The following RPA2 variants were observed in gnomAD, a reference collection of about 807,000 sequenced individuals.
RPA2 encodes the protein replication protein A 32 kDa subunit.
A neutral mutation model predicts 33.4 loss-of-function variants in RPA2; 22 were observed. That is an observed-to-expected ratio of 0.66 (90% CI 0.47 to 0.94). The LOEUF (loss-of-function observed/expected upper bound fraction) is 0.94. Ranked by LOEUF, RPA2 falls within the 40% of genes least tolerant of loss-of-function variation. RPA2 has a pLI of 0.00. For synonymous variants in RPA2, 109 were observed against 114.9 expected, an observed-to-expected ratio of 0.95 and a Z score of 0.33; for missense variants, 279 against 329.9, an observed-to-expected ratio of 0.85 and a Z score of 1.19.
intron 2 of RPA2, 97 bp from the exon 3 acceptor site, chr1:27,907,379 A>G: frequency 1.0e-6 from 1 of 960,870 alleles, no homozygotes; most frequent in Non-Finnish European, 1.6e-6. Flanking sequence ...ATATTAGAAC[A>G]TTGAATTTCA....
At chr1:27,901,982 T>A (rs1216139936) in intron 4 of RPA2, among the ~76,000 whole-genome samples, 1 of 150,184 alleles carries the variant, frequency 6.7e-6, no homozygotes, top group Non-Finnish European at 1.5e-5. Context: ...AAGAGAAAAT[T>A]TACAAAAACC....
chr1:27,893,969 G>A (rs748955359), intron 8 of RPA2, 43 bp downstream of exon 8: 23 of 1,524,220 alleles, frequency 1.5e-5, no homozygotes, highest in Non-Finnish European at 2.0e-5. Context: ...AGGTGAAATA[G>A]GTACAATGCC....
chr1:27,908,514 G>T (rs972065047), intron 2 of RPA2, among the ~76,000 whole-genome samples: 4 of 151,060 alleles, frequency 2.6e-5, no homozygotes, highest in African/African-American at 4.9e-5. Flanking sequence ...CTTTTTTTTT[G>T]AGATGGAGTC....
At chr1:27,899,538 A>T (rs1426632986) in intron 4 of RPA2, among the ~76,000 whole-genome samples, 1 of 151,168 alleles carries the variant, frequency 6.6e-6, no homozygotes, top group Admixed American at 6.6e-5. Flanking sequence ...AAAACCACAC[A>T]AACAAAACAA....
In RPA2 at chr1:27,914,421, C is replaced by A. The variant is rs780144924; in HGVS notation, c.10+13G>T. 3.1e-6 allele frequency: 5 copies of A among 1,608,376 alleles called. No homozygotes were observed. The African/African-American group carries it at 4.0e-5, about 13-fold the overall frequency. Reference sequence around the variant, plus strand: ...GATTCTCTTCCTCCTCCACCCCGCACCCCCATCATTACTGTTCCACATCTT... The same window carrying A: ...GATTCTCTTCCTCCTCCACCCCGCAACCCCATCATTACTGTTCCACATCTT... On this transcript the variant is annotated intron_variant, in intron 1 of 8. Coordinates refer to ENST00000373912, the MANE Select transcript of RPA2 (RefSeq NM_002946.5).
intron 4 of RPA2, among the ~76,000 whole-genome samples, chr1:27,900,673 C>T (rs970913616): frequency 6.6e-6 from 1 of 151,700 alleles, no homozygotes; most frequent in African/African-American, 2.4e-5. Flanking sequence ...GGAGTTGCTT[C>T]CTTTTTTTTG....
At position 27,892,310 on chromosome 1, in the gene RPA2, TG is replaced by T; in HGVS notation, c.729-64del. 2 of 1,321,968 alleles carry T rather than the reference TG, an allele frequency of 1.5e-6. 1 individual carries two copies. Among genetic ancestry groups the T allele is most frequent in the South Asian group, 2.4e-5 (2 of 83,604 alleles). 81.9% of individuals were successfully genotyped at this position (1,321,968 alleles called of 1,614,324 possible). On this transcript the variant is annotated intron_variant, in intron 8 of 8. Coordinates refer to ENST00000373912, the MANE Select transcript of RPA2 (RefSeq NM_002946.5). ...GCCAATTCAGAAGGAAACTGCCTTT[TG>T]GATATGGCCAAATATGCAAACTTCG...
At chr1:27,899,821 C>T (rs2089944439) in intron 4 of RPA2, among the ~76,000 whole-genome samples, 1 of 152,084 alleles carries the variant, frequency 6.6e-6, no homozygotes, top group Non-Finnish European at 1.5e-5. Context: ...GCTGGGACTA[C>T]AGGCGCCCGC....
chr1:27,902,021 AAAAAAATAC>A (rs1007291190), intron 4 of RPA2, among the ~76,000 whole-genome samples: 1 of 152,128 alleles, frequency 6.6e-6, no homozygotes, highest in Non-Finnish European at 1.5e-5. Flanking sequence ...CATAGTAAAA[AAAAAAATAC>A]ATATATATGG....
intron 6 of RPA2, among the ~76,000 whole-genome samples, chr1:27,895,825 T>A (rs532130486): frequency 4.1e-4 from 63 of 152,300 alleles, no homozygotes; most frequent in Non-Finnish European, 7.1e-4. Context: ...AAGCCCCATA[T>A]AATCTGGGCC....
rs367965034 is a variant in RPA2, at chr1:27,907,224, A to C, written c.176T>G (p.Leu59Trp). The C allele has an allele frequency of 1.4e-5, 23 of 1,614,010 alleles. No individual in the cohort carries two copies. Among genetic ancestry groups the C allele is most frequent in the Admixed American group, 1.3e-4 (8 of 59,960 alleles). The change falls in exon 3 of 9, where the codon TTG (leucine) becomes TGG (tryptophan). Residue 59 changes from leucine to tryptophan, a missense_variant. Leu to Trp is a moderately conservative substitution (Grantham distance 61, BLOSUM62 -2). Around this residue, in one of 2 missense-constraint regions of RPA2, gnomAD observed 274 missense variants for 310.3 expected, o/e 0.88. Transcript: ENST00000373912. ...CTISQLLSATLVDEVFRIGNV... is the reference protein window; with the variant it reads ...CTISQLLSATWVDEVFRIGNV... The stretch of plus-strand genomic sequence containing the variant: ...CCCAATTCTGAACACTTCATCAACC[A>C]AAGTGGCAGAAAGCAGCTGAGATAT...
chr1:27,907,144 ATGAG>A (rs768500130), intron 3 of RPA2, 33 bp downstream of exon 3: 16 of 1,592,740 alleles, frequency 1.0e-5, no homozygotes, highest in Non-Finnish European at 1.3e-5. Context: ...ATTCTTTATT[ATGAG>A]TAAGTGATTC....
chr1:27,899,154 C>T (rs2089930604), intron 4 of RPA2, among the ~76,000 whole-genome samples: 1 of 152,110 alleles, frequency 6.6e-6, no homozygotes, highest in Admixed American at 6.5e-5. Context: ...GAGCAAGTCA[C>T]TTGAGGTTAG....
intron 4 of RPA2, among the ~76,000 whole-genome samples, chr1:27,901,025 A>T (rs2089961048): frequency 6.6e-6 from 1 of 152,238 alleles, no homozygotes; most frequent in African/African-American, 2.4e-5. Flanking sequence ...AAACGACAAT[A>T]AAGGATTTAG....
intron 4 of RPA2, among the ~76,000 whole-genome samples, chr1:27,905,421 G>A (rs1220578498): frequency 1.3e-5 from 2 of 152,078 alleles, no homozygotes; most frequent in South Asian, 2.1e-4. Context: ...AGCCTCCTGA[G>A]TAGCTGGGAT....
rs184483103 is a variant in RPA2 at position 27,910,942 on chromosome 1, G to A, written c.117+3121C>T. Among the ~76,000 whole-genome samples, 26 of 152,118 alleles carry A rather than the reference G, an allele frequency of 1.7e-4. 1 individual carries two copies. Among genetic ancestry groups the A allele is most frequent in the Middle Eastern group, 6.8e-3 (2 of 294 alleles). Reference sequence around the variant, plus strand: ...ATTTAAAAACAAAACAAGGCCAGGCGCAGTGGCTCATACCTGTAATCCCAA... The same window carrying A: ...ATTTAAAAACAAAACAAGGCCAGGCACAGTGGCTCATACCTGTAATCCCAA... On this transcript the variant is annotated intron_variant, in intron 2 of 8. Transcript: ENST00000373912.
chr1:27,912,454 G>A (rs2090109688), intron 2 of RPA2, among the ~76,000 whole-genome samples: 1 of 151,986 alleles, frequency 6.6e-6, no homozygotes, highest in South Asian at 2.1e-4. Context: ...GAGAGGCTGA[G>A]GTGGGAATGA....
At chr1:27,902,215 T>C (rs531535375) in intron 4 of RPA2, among the ~76,000 whole-genome samples, 3 of 152,028 alleles carry the variant, frequency 2.0e-5, no homozygotes, top group East Asian at 3.9e-4. Context: ...GCCTCCCGAA[T>C]AGCTGGGACT....
chr1:27,891,994 CAAAAT>C lies in RPA2; in HGVS notation c.*164_*168del, dbSNP rs2089829537. 9.2e-6 allele frequency: 5 copies of C among 541,032 alleles called. No individual in the cohort carries two copies. The highest frequency in any genetic ancestry group is 6.2e-5 in the Admixed American group (2 of 32,066). 33.5% of individuals were successfully genotyped at this position (541,032 alleles called of 1,614,324 possible). ...ATCTCCCTCTGAGCTTCAAACAAAA[CAAAAT>C]AAAACAGAAGAGCAGTAAGTTTCAA... On this transcript the variant is annotated 3_prime_UTR_variant, in exon 9 of 9. Transcript: ENST00000373912.
Sources: gnomAD v4.1 joint callset for allele counts (sites outside exome capture counted in the v4.1 genomes callset) on GRCh38, gnomAD v4.1.1 for gene constraint, gnomAD v4.1.1 regional missense constraint, MANE v1.5 for transcripts, NCBI Gene and HGNC (gene_info 2026-07-23, HGNC 2026-07-21) for gene names.